ZNF536: variants seen among roughly 807,000 people sequenced by gnomAD.
ZNF536 encodes the protein zinc finger protein 536.
In ZNF536, 13 loss-of-function variants were observed where a neutral mutation model predicts 84.5. The ratio of observed to expected loss-of-function variants is 0.15; its 90% CI spans 0.10 to 0.24. The LOEUF (loss-of-function observed/expected upper bound fraction) is 0.24. Among genes scored for constraint, ZNF536 ranks in the 10% least tolerant of loss-of-function variants. The pLI is 1.00. For synonymous variants in ZNF536, 811 were observed against 742.5 expected (o/e 1.09, Z -1.50); for missense variants, 1,536 against 1,747.5 (o/e 0.88, Z 2.16).
At chr19:30,351,359 A>G (rs905879187) in intron 2 of ZNF536, among the ~76,000 whole-genome samples, 2 of 152,204 alleles carry the variant, frequency 1.3e-5, no homozygotes, top group Non-Finnish European at 2.9e-5. Flanking sequence ...CTTTTTGGAC[A>G]ATATCTAGTT....
chr19:30,480,909 G>C lies in ZNF536; in HGVS notation c.2170+35177G>C, dbSNP rs185088521. Among the ~76,000 whole-genome samples the C allele has an allele frequency of 2.9e-3, 445 of 151,910 alleles. 1 individual carries two copies. The highest frequency in any genetic ancestry group is 6.8e-3 in the Middle Eastern group (2 of 294). On this transcript the variant is annotated intron_variant, in intron 2 of 4. Transcript: ENST00000355537. ...AAATTAGCTGGGCATGGTGGATGCG[G>C]CTGTAATTCCAGATACTTGGGAGGC... is the stretch of plus-strand genomic sequence containing the variant.
intron 1 of ZNF536, among the ~76,000 whole-genome samples, chr19:30,660,371 A>G (rs922274216): frequency 6.6e-6 from 1 of 152,174 alleles, no homozygotes; most frequent in African/African-American, 2.4e-5. Flanking sequence ...TGATGTTGGG[A>G]AATGCTGTTG....
At chr19:30,528,882 T>C (rs1472288268) in intron 2 of ZNF536, among the ~76,000 whole-genome samples, 2 of 151,830 alleles carry the variant, frequency 1.3e-5, no homozygotes, top group East Asian at 3.9e-4. Flanking sequence ...CATCAGTATC[T>C]TCTTTGGCTG....
At chr19:30,439,130 C>T (rs563173886) in intron 1 of ZNF536, among the ~76,000 whole-genome samples, 2 of 152,074 alleles carry the variant, frequency 1.3e-5, no homozygotes, top group African/African-American at 2.4e-5. Context: ...TAGGGACTCC[C>T]CACCCTTCCC....
chr19:30,658,104 C>T (rs2049984457), intron 1 of ZNF536, among the ~76,000 whole-genome samples: 1 of 151,734 alleles, frequency 6.6e-6, no homozygotes, highest in Admixed American at 6.6e-5. Flanking sequence ...CTCACTGCAA[C>T]CTCTGCCTCC....
At chr19:30,243,619 T>C (rs1242719313) in intron 1 of ZNF536, among the ~76,000 whole-genome samples, 1 of 152,192 alleles carries the variant, frequency 6.6e-6, no homozygotes, top group Non-Finnish European at 1.5e-5. Flanking sequence ...ATTATATTTT[T>C]CCCCAACTTA....
chr19:30,687,080 G>C (rs2051219000), intron 1 of ZNF536, among the ~76,000 whole-genome samples: 1 of 152,090 alleles, frequency 6.6e-6, no homozygotes, highest in Admixed American at 6.5e-5. Flanking sequence ...TGATACTGTG[G>C]GCAAGACAGG....
At chr19:30,501,093 C>CT (rs1251922853) in intron 2 of ZNF536, among the ~76,000 whole-genome samples, 1 of 152,162 alleles carries the variant, frequency 6.6e-6, no homozygotes, top group Non-Finnish European at 1.5e-5. Context: ...GGGCTGATTA[C>CT]TTTATGAAAA....
chr19:30,240,726 G>T (rs78889527), intron 1 of ZNF536, among the ~76,000 whole-genome samples: 2 of 152,198 alleles, frequency 1.3e-5, no homozygotes, highest in African/African-American at 4.8e-5. Context: ...TTCGTGGACC[G>T]TCTCCTGAAG....
intron 1 of ZNF536, among the ~76,000 whole-genome samples, chr19:30,701,180 A>C (rs1021846138): frequency 7.5e-6 from 1 of 132,998 alleles, no homozygotes; most frequent in African/African-American, 2.9e-5. Flanking sequence ...TGCATGTGCT[A>C]TATCTCACTC....
At position 30,383,711 on chromosome 19, in the gene ZNF536, CTT is replaced by C. The variant is rs1170537761; in HGVS notation, c.-3+11157_-3+11158del. On this transcript the variant is annotated intron_variant, in intron 1 of 4. Transcript: ENST00000355537. The stretch of plus-strand genomic sequence containing the variant: ...TCCTTTCTTTTCTTTCTCTTTCTTT[CTT>C]TCTTTCTTTCTTTCTTTCTTTCTTT... Among the ~76,000 whole-genome samples the C allele has an allele frequency of 5.5e-3, 266 of 48,166 alleles. 8 individuals are homozygous for C. The highest frequency in any genetic ancestry group is 0.03 in the South Asian group (38 of 1,258). The allele number at this position is 48,166 out of a possible 152,430, so 31.6% of individuals were successfully genotyped here.
At chr19:30,650,846 T>C (rs952898393) in intron 1 of ZNF536, among the ~76,000 whole-genome samples, 2 of 152,170 alleles carry the variant, frequency 1.3e-5, no homozygotes, top group Non-Finnish European at 2.9e-5. Context: ...GATCTGCAAG[T>C]CGTCAGTGAC....
At chr19:30,250,100 G>A (rs1384803085) in intron 1 of ZNF536, among the ~76,000 whole-genome samples, 5 of 152,222 alleles carry the variant, frequency 3.3e-5, no homozygotes, top group African/African-American at 4.8e-5. Flanking sequence ...GCCTTGTTGT[G>A]TGACTCTGAT....
At chr19:30,354,948 A>G (rs2048045086) in intron 3 of ZNF536, among the ~76,000 whole-genome samples, 1 of 152,184 alleles carries the variant, frequency 6.6e-6, no homozygotes, top group African/African-American at 2.4e-5. Flanking sequence ...CTGGACTTTC[A>G]GAGTTTCCTG....
At chr19:30,517,097 G>T (rs943435838) in intron 2 of ZNF536, among the ~76,000 whole-genome samples, 3 of 152,112 alleles carry the variant, frequency 2.0e-5, no homozygotes, top group Non-Finnish European at 2.9e-5. Flanking sequence ...TTTGAAATCT[G>T]ACTCAGGTTC....
chr19:30,303,571 C>G (rs908491970), intron 2 of ZNF536, among the ~76,000 whole-genome samples: 2 of 151,630 alleles, frequency 1.3e-5, no homozygotes, highest in Non-Finnish European at 1.5e-5. Context: ...GGTGCAATCT[C>G]TGCTCACTGC....
At chr19:30,504,283 C>T (rs2145381068) in intron 2 of ZNF536, among the ~76,000 whole-genome samples, 1 of 143,344 alleles carries the variant, frequency 7.0e-6, no homozygotes, top group South Asian at 2.4e-4. Flanking sequence ...TCCCTCTATC[C>T]CTCCCTCCCT....
At chr19:30,698,854 C>T (rs1340220790) in intron 1 of ZNF536, among the ~76,000 whole-genome samples, 1 of 152,230 alleles carries the variant, frequency 6.6e-6, no homozygotes, top group South Asian at 2.1e-4. Flanking sequence ...GGGAGATATG[C>T]TCCGTCTCCT....
chr19:30,652,445 C>A (rs975375904), intron 1 of ZNF536, among the ~76,000 whole-genome samples: 22 of 152,224 alleles, frequency 1.4e-4, no homozygotes, highest in African/African-American at 4.3e-4. Flanking sequence ...AAGGGAAATG[C>A]CCCCCAAAGC....
Sources: allele counts gnomAD v4.1 joint callset (sites outside exome capture counted in the v4.1 genomes callset), GRCh38; gene constraint gnomAD v4.1.1; transcripts MANE v1.5; gene names NCBI Gene and HGNC (gene_info 2026-07-23, HGNC 2026-07-21).